The following ARID5B variants were observed in gnomAD, a reference collection of about 807,000 sequenced individuals.
ARID5B encodes AT-rich interactive domain-containing protein 5B.
ARID5B carries 13 observed loss-of-function variants against 97.2 expected under a neutral mutation model. That is an observed-to-expected ratio of 0.13 (90% CI 0.09 to 0.21). The LOEUF (loss-of-function observed/expected upper bound fraction) is 0.21. Among genes scored for constraint, ARID5B ranks in the 10% least tolerant of loss-of-function variants. The pLI is 1.00. For synonymous variants in ARID5B, 556 were observed against 570.3 expected (o/e 0.97, Z 0.36); for missense variants, 1,210 against 1,465.3 (o/e 0.83, Z 2.84).
intron 4 of ARID5B, among the ~76,000 whole-genome samples, chr10:62,028,024 A>G (rs1839444513): frequency 1.3e-5 from 2 of 152,334 alleles, no homozygotes; most frequent in South Asian, 4.1e-4. Flanking sequence ...TATCCTAGGT[A>G]GCCAGTGAAT....
intron 7 of ARID5B, among the ~76,000 whole-genome samples, chr10:62,061,516 G>C (rs896439518): frequency 6.6e-6 from 1 of 152,180 alleles, no homozygotes; most frequent in Non-Finnish European, 1.5e-5. Context: ...AAAGTCCTCC[G>C]ATGCTAGCTC....
chr10:62,046,686 T>G (rs1346034709), intron 4 of ARID5B: 1 of 148,298 alleles, frequency 6.7e-6, no homozygotes, highest in Non-Finnish European at 1.5e-5. Flanking sequence ...AGGGGAAAGA[T>G]TTTTTTTTTA....
intron 2 of ARID5B, among the ~76,000 whole-genome samples, chr10:61,932,927 T>C (rs1396619654): frequency 6.6e-6 from 1 of 152,098 alleles, no homozygotes; most frequent in Non-Finnish European, 1.5e-5. Context: ...GAAACTCCTC[T>C]CTAAAAATAA....
chr10:61,962,456 G>A (rs966717365), intron 3 of ARID5B, among the ~76,000 whole-genome samples: 29 of 152,194 alleles, frequency 1.9e-4, no homozygotes, highest in African/African-American at 7.0e-4. Context: ...GTTTTAGGAT[G>A]CTTGTTAATG....
intron 4 of ARID5B, among the ~76,000 whole-genome samples, chr10:62,040,422 A>G (rs1839622016): frequency 6.6e-6 from 1 of 152,276 alleles, no homozygotes; most frequent in South Asian, 2.1e-4. Flanking sequence ...CAGTGAATAA[A>G]ATCTTAAATG....
chr10:61,980,834 C>A (rs1029560545), intron 3 of ARID5B, among the ~76,000 whole-genome samples: 3 of 152,170 alleles, frequency 2.0e-5, no homozygotes, highest in African/African-American at 7.2e-5. Context: ...AACATGGCTT[C>A]CCAGGACAGT....
chr10:61,986,319 A>C (rs1170232324), intron 3 of ARID5B, among the ~76,000 whole-genome samples: 1 of 152,230 alleles, frequency 6.6e-6, no homozygotes, highest in African/African-American at 2.4e-5. Context: ...GAATCTAAGC[A>C]CATGAAAGGG....
At chr10:62,061,409 G>C (rs922154843) in intron 7 of ARID5B, among the ~76,000 whole-genome samples, 2 of 152,212 alleles carry the variant, frequency 1.3e-5, no homozygotes, top group African/African-American at 4.8e-5. Context: ...TGGAGAGTTT[G>C]AAAAACATAA....
Position 62,090,865 on chromosome 10 carries a change from T to C in ARID5B, c.1402T>C (p.Ser468Pro), listed in dbSNP as rs1410164367. The C allele has an allele frequency of 6.4e-7, 1 of 1,569,892 alleles. No individual in the cohort carries two copies. The highest frequency in any genetic ancestry group is 8.6e-7 in the Non-Finnish European group (1 of 1,165,514). Reference protein sequence around the residue: ...APKPQDAAEVSSEQEKEQETL... With the variant: ...APKPQDAAEVPSEQEKEQETL... Reference sequence around the variant, plus strand: ...GTCTTTTGAAATATGTTACCAGGTTTCATCAGAGCAAGAAAAAGAACAAGA... The same window carrying C: ...GTCTTTTGAAATATGTTACCAGGTTCCATCAGAGCAAGAAAAAGAACAAGA... Residue 468 changes from serine to proline, a missense_variant, in exon 10 of 10, where the codon TCA (serine) becomes CCA (proline). Physicochemically the swap from Ser to Pro is moderately conservative, Grantham distance 74 (BLOSUM62 -1). Transcript: ENST00000279873.
At chr10:61,906,332 G>A (rs995297194) in intron 2 of ARID5B, among the ~76,000 whole-genome samples, 2 of 152,138 alleles carry the variant, frequency 1.3e-5, no homozygotes, top group African/African-American at 4.8e-5. Context: ...AGTGTCTTTA[G>A]TAATTACTTA....
chr10:62,018,367 T>C (rs1839310549), intron 4 of ARID5B, among the ~76,000 whole-genome samples: 2 of 152,230 alleles, frequency 1.3e-5, no homozygotes, highest in Non-Finnish European at 2.9e-5. Context: ...AGATAAGCCA[T>C]TGGATTTTCT....
chr10:61,998,705 G>C (rs570945163), intron 3 of ARID5B, among the ~76,000 whole-genome samples: 1 of 152,136 alleles, frequency 6.6e-6, no homozygotes, highest in Non-Finnish European at 1.5e-5. Flanking sequence ...GAATGCTTAG[G>C]GAGTCCTCCC....
chr10:61,964,715 A>G (rs1279661392), intron 3 of ARID5B, among the ~76,000 whole-genome samples: 2 of 152,226 alleles, frequency 1.3e-5, no homozygotes, highest in Non-Finnish European at 2.9e-5. Flanking sequence ...TTGTGAGGCA[A>G]TGGTGCTTTG....
chr10:62,032,597 C>T (rs1839511501), intron 4 of ARID5B, among the ~76,000 whole-genome samples: 1 of 152,160 alleles, frequency 6.6e-6, no homozygotes, highest in African/African-American at 2.4e-5. Flanking sequence ...CGCCTGTAAT[C>T]CCAGCTGCTC....
At chr10:62,030,940 A>G (rs889437945) in intron 4 of ARID5B, among the ~76,000 whole-genome samples, 1 of 152,190 alleles carries the variant, frequency 6.6e-6, no homozygotes, top group Non-Finnish European at 1.5e-5. Context: ...CATCTTTAAG[A>G]GTAAAGAGGT....
In ARID5B at chr10:62,096,355, C is replaced by T. The variant is rs1038027511; in HGVS notation, c.*3325C>T. On this transcript the variant is annotated 3_prime_UTR_variant, in exon 10 of 10. Transcript: ENST00000279873. ...GAACCATTTATTTCTCTTCACTTATCGTCCCACAAAGTCACATTTGGTGGT... is the reference window on the plus strand; with the variant it reads ...GAACCATTTATTTCTCTTCACTTATTGTCCCACAAAGTCACATTTGGTGGT... 1.3e-5 allele frequency: 3 copies of T among 233,460 alleles called. No homozygotes were observed. The highest frequency in any genetic ancestry group is 6.0e-5 in the East Asian group (1 of 16,574). 14.5% of individuals were successfully genotyped at this position (233,460 alleles called of 1,614,324 possible). A position where few individuals can be genotyped will look rare whatever the true frequency, so the allele number is the denominator to read the frequency against.
At chr10:62,017,923 G>A (rs188403522) in intron 4 of ARID5B, among the ~76,000 whole-genome samples, 1 of 152,266 alleles carries the variant, frequency 6.6e-6, no homozygotes, top group African/African-American at 2.4e-5. Context: ...TGTGTGTAGA[G>A]GAGATAAAAT....
intron 3 of ARID5B, among the ~76,000 whole-genome samples, chr10:61,981,349 T>C (rs1042922524): frequency 6.6e-6 from 1 of 152,136 alleles, no homozygotes; most frequent in Non-Finnish European, 1.5e-5. Flanking sequence ...TGGCGCACTT[T>C]CCACTCACCG....
chr10:62,036,363 C>T (rs1457236692), intron 4 of ARID5B, among the ~76,000 whole-genome samples: 1 of 149,340 alleles, frequency 6.7e-6, no homozygotes, highest in African/African-American at 2.5e-5. Flanking sequence ...CCTTCCTCAC[C>T]CCCAGGAGGG....
Sources: gnomAD v4.1 joint callset for allele counts (sites outside exome capture counted in the v4.1 genomes callset) on GRCh38, gnomAD v4.1.1 for gene constraint, MANE v1.5 for transcripts, NCBI Gene and HGNC (gene_info 2026-07-23, HGNC 2026-07-21) for gene names.